AGMO: variants seen among roughly 807,000 people sequenced by gnomAD.
The protein encoded by AGMO is glyceryl-ether monooxygenase.
AGMO carries 75 observed loss-of-function variants against 60.2 expected under a neutral mutation model. The ratio of observed to expected loss-of-function variants is 1.25; its 90% CI spans 1.03 to 1.51. The LOEUF (loss-of-function observed/expected upper bound fraction) is 1.51. Among genes scored for constraint, AGMO ranks in the 40% most tolerant of loss-of-function variants. The probability of loss-of-function intolerance (pLI) is 0.00; values close to 1 mark genes in which losing one functional copy is unlikely to be tolerated. For missense variants in AGMO, 763 were observed against 525.5 expected, an observed-to-expected ratio of 1.45 and a Z score of -4.42; for synonymous variants, 261 against 177.1, an observed-to-expected ratio of 1.47 and a Z score of -3.76.
chr7:15,128,446 T>A, the AGMO span, among the ~76,000 whole-genome samples: 1 of 152,172 alleles, frequency 6.6e-6, no homozygotes, highest in African/African-American at 2.4e-5. Context: ...TCAGTGCCTA[T>A]AAAACTGTTG....
chr7:15,456,077 T>A (rs1464727849), intron 3 of AGMO, among the ~76,000 whole-genome samples: 1 of 152,102 alleles, frequency 6.6e-6, no homozygotes, highest in African/African-American at 2.4e-5. Context: ...AGTTTTCTTA[T>A]CTATGTCTAT....
the AGMO span, among the ~76,000 whole-genome samples, chr7:15,176,432 A>G: frequency 6.6e-6 from 1 of 151,980 alleles, no homozygotes; most frequent in African/African-American, 2.4e-5. Context: ...GCAATCAGAA[A>G]GGATATTTTA....
At position 15,381,292 on chromosome 7, in the gene AGMO, A is replaced by G. The variant is rs188875529; in HGVS notation, c.1074+4154T>C. ...TGCAAACTATGCATCCAACAAAGGT[A>G]TAATATCAAGCATCTATAGGAACTT... On this transcript the variant is annotated intron_variant, in intron 10 of 12. Transcript: ENST00000342526. 7.8e-4 allele frequency among the ~76,000 whole-genome samples: 119 copies of G among 152,280 alleles called. 1 individual carries two copies. Among genetic ancestry groups the G allele is most frequent in the Non-Finnish European group, 1.6e-3 (107 of 67,996 alleles).
chr7:15,442,436 A>T (rs943850414), intron 3 of AGMO, among the ~76,000 whole-genome samples: 2 of 152,132 alleles, frequency 1.3e-5, no homozygotes, highest in African/African-American at 4.8e-5. Flanking sequence ...GCATTGAGAG[A>T]TGGAAGGTTT....
chr7:15,388,716 G>C (rs964056759), intron 8 of AGMO, among the ~76,000 whole-genome samples: 2 of 152,216 alleles, frequency 1.3e-5, no homozygotes, highest in African/African-American at 4.8e-5. Flanking sequence ...GCCATCCTAA[G>C]TTGCTTTGAT....
chr7:15,310,774 A>G (rs1583392548), intron 12 of AGMO, among the ~76,000 whole-genome samples: 2 of 152,296 alleles, frequency 1.3e-5, no homozygotes, highest in East Asian at 3.9e-4. Context: ...CAGAAGTCTG[A>G]AATGGGCCTC....
chr7:15,452,314 GA>G (rs1781876282), intron 3 of AGMO, among the ~76,000 whole-genome samples: 1 of 151,828 alleles, frequency 6.6e-6, no homozygotes, highest in African/African-American at 2.4e-5. Context: ...CAGAATAGAA[GA>G]AAATGTTTAC....
intron 6 of AGMO, among the ~76,000 whole-genome samples, chr7:15,392,614 C>G (rs1207510027): frequency 2.0e-5 from 3 of 152,094 alleles, no homozygotes; most frequent in Non-Finnish European, 4.4e-5. Context: ...GCCTGACCAA[C>G]ATGGTGAAAC....
intron 12 of AGMO, among the ~76,000 whole-genome samples, chr7:15,324,391 C>T (rs62450329): frequency 0.032 from 4,829 of 152,202 alleles, 94 homozygotes; most frequent in Middle Eastern, 0.055. Flanking sequence ...TCTTTTAAAG[C>T]GCCCATCTTG....
At chr7:15,143,822 G>C in the AGMO span, among the ~76,000 whole-genome samples, 1 of 151,910 alleles carries the variant, frequency 6.6e-6, no homozygotes, top group Non-Finnish European at 1.5e-5. Context: ...TTTGAGAATA[G>C]CTTTGGTCAT....
chr7:15,530,701 T>G (rs1784289174), intron 3 of AGMO, among the ~76,000 whole-genome samples: 1 of 142,674 alleles, frequency 7.0e-6, no homozygotes, highest in Non-Finnish European at 1.5e-5. Flanking sequence ...TTTCTACATA[T>G]ATTCTATATA....
chr7:15,209,057 A>C (rs10273401), intron 12 of AGMO, among the ~76,000 whole-genome samples: 1,839 of 152,298 alleles, frequency 0.012, 34 homozygotes, highest in African/African-American at 0.042. Context: ...ATTCAGTCCT[A>C]ATCTTCTACC....
intron 5 of AGMO, among the ~76,000 whole-genome samples, chr7:15,395,608 A>C (rs1365205112): frequency 2.0e-5 from 3 of 152,200 alleles, no homozygotes; most frequent in Non-Finnish European, 2.9e-5. Flanking sequence ...GCAATGAAAA[A>C]ACAAAGAAAA....
chr7:15,479,312 G>A (rs1033513299), intron 3 of AGMO, among the ~76,000 whole-genome samples: 3 of 152,076 alleles, frequency 2.0e-5, no homozygotes, highest in African/African-American at 7.2e-5. Context: ...AAATCTAATG[G>A]ATTGAATACA....
intron 12 of AGMO, among the ~76,000 whole-genome samples, chr7:15,365,215 C>A (rs1264984874): frequency 2.0e-5 from 3 of 151,672 alleles, no homozygotes; most frequent in Admixed American, 1.3e-4. Flanking sequence ...TCTTCCACTT[C>A]TTGAGAACCT....
intron 3 of AGMO, among the ~76,000 whole-genome samples, chr7:15,524,219 C>CT (rs982418290): frequency 4.0e-5 from 6 of 150,806 alleles, no homozygotes; most frequent in South Asian, 2.1e-4. Context: ...ATTATATATA[C>CT]TTTTTTTTTA....
chr7:15,404,543 G>GT (rs1308270289), intron 5 of AGMO, among the ~76,000 whole-genome samples: 1 of 151,850 alleles, frequency 6.6e-6, no homozygotes, highest in African/African-American at 2.4e-5. Flanking sequence ...TCATCCTTAT[G>GT]TAACATCATT....
intron 2 of AGMO, among the ~76,000 whole-genome samples, chr7:15,552,047 C>T (rs1443859544): frequency 6.6e-6 from 1 of 151,950 alleles, no homozygotes; most frequent in Admixed American, 6.6e-5. Flanking sequence ...TTTGACAAAC[C>T]TGAGAAAAAC....
chr7:15,118,173 A>C, the AGMO span, among the ~76,000 whole-genome samples: 27,007 of 144,508 alleles, frequency 0.19, 3,010 homozygotes, highest in South Asian at 0.32. Flanking sequence ...ACTAAAGAGA[A>C]ACACACACAC....
Sources: allele counts gnomAD v4.1 joint callset (sites outside exome capture counted in the v4.1 genomes callset), GRCh38; gene constraint gnomAD v4.1.1; transcripts MANE v1.5; gene names NCBI Gene and HGNC (gene_info 2026-07-23, HGNC 2026-07-21).